The following BEND2 variants were observed in gnomAD, a reference collection of about 807,000 sequenced individuals.
The protein encoded by BEND2 is BEN domain-containing protein 2.
Under a neutral mutation model 43.8 loss-of-function variants are expected in BEND2, and 19 were observed. The observed-to-expected ratio is 0.43, with a 90% CI of 0.30 to 0.64. BEND2 has a LOEUF of 0.64. Ranked by LOEUF, BEND2 falls within the 30% of genes least tolerant of loss-of-function variation. The pLI, the probability that BEND2 is intolerant of heterozygous loss-of-function variation, is 0.11. For synonymous variants in BEND2, 226 were observed against 210.1 expected, an observed-to-expected ratio of 1.08 and a Z score of -0.66; for missense variants, 544 against 574.0, an observed-to-expected ratio of 0.95 and a Z score of 0.53.
chrX:18,209,432 G>T (rs1388547217), intron 4 of BEND2, among the ~76,000 whole-genome samples: 1 of 111,022 alleles, frequency 9.0e-6, no homozygotes, highest in African/African-American at 3.3e-5. Flanking sequence ...GGGCAATGGG[G>T]AAAAATAGTA....
chrX:18,184,837 C>T (rs1450597099), intron 8 of BEND2, among the ~76,000 whole-genome samples: 1 of 110,810 alleles, frequency 9.0e-6, no homozygotes. Context: ...GGGACCAATC[C>T]CAGAGAAACA....
rs777618254 is a variant in BEND2 at position 18,174,278 on chromosome X, T to C, written c.1753-20A>G. The stretch of plus-strand genomic sequence containing the variant: ...AGTTTTCTGTTGAAACACAAAATCA[T>C]ATCCGTAAACAAAGTCCCACAGCAA... On this transcript the variant is annotated intron_variant, in intron 11 of 13. Transcript: ENST00000380033. 3.0e-5 allele frequency: 36 copies of C among 1,181,299 alleles called. No individual in the cohort carries two copies. Among genetic ancestry groups the C allele is most frequent in the Non-Finnish European group, 4.0e-5 (35 of 869,577 alleles).
chrX:18,203,640 T>G lies in BEND2; in HGVS notation c.768A>C (p.Ala256=). 2 of 1,211,875 alleles carry G rather than the reference T, an allele frequency of 1.7e-6. No homozygotes were observed. The highest frequency in any genetic ancestry group is 2.2e-6 in the Non-Finnish European group (2 of 895,377). ...AVISFANATT[A]VPMAVLSRRE... ...TTCGTGACAGAACTGCCATAGGTAC[T>G]GCTGTAGTAGCATTGGCAAATGAGA... Residue 256 remains alanine (A), a synonymous_variant, in exon 5 of 14, where the codon GCA becomes GCC. Coordinates refer to ENST00000380033, the MANE Select transcript of BEND2 (RefSeq NM_153346.5).
rs201244726 is a variant in BEND2, at chrX:18,194,972, AACACAC to A, written c.1180+318_1180+323del. ...TGTGGAATAAAGCTGCATAGTACTA[AACACAC>A]ACACACACACACACACACACACACA... On this transcript the variant is annotated intron_variant, in intron 7 of 13. Coordinates refer to ENST00000380033, the MANE Select transcript of BEND2 (RefSeq NM_153346.5). Among the ~76,000 whole-genome samples the A allele has an allele frequency of 9.7e-3, 962 of 99,272 alleles. 10 individuals carry two copies. The highest frequency in any genetic ancestry group is 0.032 in the African/African-American group (857 of 27,052). The allele number at this position is 99,272 out of a possible 115,157, so 86.2% of individuals were successfully genotyped here. A position where few individuals can be genotyped will look rare whatever the true frequency, so the allele number is the denominator to read the frequency against.
At chrX:18,176,361 T>C (rs1392775701) in intron 10 of BEND2, among the ~76,000 whole-genome samples, 11 of 71,608 alleles carry the variant, frequency 1.5e-4, no homozygotes, top group African/African-American at 5.8e-4. Flanking sequence ...ATTGAGCTCT[T>C]GGTGCTCAAA....
chrX:18,165,381 A>C (rs1018104311), intron 13 of BEND2, among the ~76,000 whole-genome samples, 158 bp from the exon 14 acceptor site: 1 of 112,171 alleles, frequency 8.9e-6, no homozygotes, highest in South Asian at 3.7e-4. Flanking sequence ...TAGCTGGACA[A>C]ATCTTTTAAT....
intron 4 of BEND2, among the ~76,000 whole-genome samples, chrX:18,205,605 CAAAAAAAAAAAAAAAAAAAA>C (rs147435323): frequency 3.4e-3 from 83 of 24,157 alleles, no homozygotes; most frequent in Non-Finnish European, 4.8e-3. Context: ...GACCCTGTCT[CAAAAAAAAAAAAAAAAAAAA>C]AAAAAAAAAG....
At position 18,180,593 on chromosome X, in the gene BEND2, T is replaced by A. The variant is rs968294503; in HGVS notation, c.1346A>T (p.Asn449Ile). ...KVDTNTENSV[N>I]TMNRSTLLDS... is the part of the protein sequence containing the mutation. ...CAATAAAGTTGAGCGATTCATTGTG[T>A]TGACGCTGTTTTCCGTGTTGGTGTC... Residue 449 changes from asparagine to isoleucine, a missense_variant, in exon 9 of 14, where the codon AAC becomes ATC. Physicochemically the swap from Asn to Ile is moderately radical, Grantham distance 149. Around this residue, in one of 2 missense-constraint regions of BEND2, gnomAD observed 501 missense variants for 501.6 expected, o/e 1.00. Coordinates refer to ENST00000380033, the MANE Select transcript of BEND2 (RefSeq NM_153346.5). The A allele has an allele frequency of 5.0e-6, 6 of 1,211,150 alleles. No individual in the cohort carries two copies. The highest frequency in any genetic ancestry group is 6.7e-6 in the Non-Finnish European group (6 of 894,940).
intron 4 of BEND2, among the ~76,000 whole-genome samples, chrX:18,209,918 T>G (rs1925454138): frequency 9.0e-6 from 1 of 111,430 alleles, no homozygotes; most frequent in Non-Finnish European, 1.9e-5. Flanking sequence ...TACCATAATT[T>G]TAAGTTATAC....
At chrX:18,181,755 C>CA (rs1003581186) in intron 8 of BEND2, among the ~76,000 whole-genome samples, 1 of 111,236 alleles carries the variant, frequency 9.0e-6, no homozygotes, top group African/African-American at 3.3e-5. Flanking sequence ...CTGCACAAAT[C>CA]AATATACTCA....
chrX:18,181,488 A>C (rs1263336723), intron 8 of BEND2, among the ~76,000 whole-genome samples: 1 of 111,843 alleles, frequency 8.9e-6, no homozygotes, highest in Non-Finnish European at 1.9e-5. Context: ...TCAGCAATAA[A>C]AATGAAGAAG....
chrX:18,166,942 C>G (rs1158114557), intron 13 of BEND2, among the ~76,000 whole-genome samples: 1 of 109,884 alleles, frequency 9.1e-6, no homozygotes, highest in East Asian at 2.9e-4. Context: ...GACTGAGGCC[C>G]TTGGAGTGCT....
At chrX:18,219,926 A>C (rs1011095237) in intron 1 of BEND2, among the ~76,000 whole-genome samples, 4 of 110,451 alleles carry the variant, frequency 3.6e-5, no homozygotes, top group Non-Finnish European at 7.5e-5. Context: ...AAAACAAAAC[A>C]AAACCAAGCA....
intron 1 of BEND2, among the ~76,000 whole-genome samples, chrX:18,217,039 T>A (rs1056420907): frequency 2.7e-5 from 3 of 112,793 alleles, no homozygotes; most frequent in Non-Finnish European, 5.6e-5. Flanking sequence ...CATGCCACAG[T>A]GTTCAATGAT....
At chrX:18,211,522 C>T (rs1210536903) in intron 4 of BEND2, among the ~76,000 whole-genome samples, 8 of 112,313 alleles carry the variant, frequency 7.1e-5, no homozygotes, top group Non-Finnish European at 5.6e-5. Flanking sequence ...GTGGCTCACG[C>T]CTGTAATCCC....
chrX:18,200,007 A>G (rs1019585839), intron 6 of BEND2, among the ~76,000 whole-genome samples: 1 of 111,835 alleles, frequency 8.9e-6, no homozygotes, highest in Non-Finnish European at 1.9e-5. Context: ...CTAGTACCAT[A>G]AGGCTCAGCA....
intron 8 of BEND2, among the ~76,000 whole-genome samples, chrX:18,188,721 C>T (rs1231389882): frequency 9.0e-6 from 1 of 111,724 alleles, no homozygotes; most frequent in Non-Finnish European, 1.9e-5. Flanking sequence ...ACCAATCCTA[C>T]TCAAACTATT....
intron 12 of BEND2, among the ~76,000 whole-genome samples, chrX:18,171,466 T>A (rs1923975310): frequency 9.0e-6 from 1 of 111,402 alleles, no homozygotes; most frequent in African/African-American, 3.3e-5. Context: ...GCTTAGCCAC[T>A]CAAGTAGCTG....
intron 4 of BEND2, among the ~76,000 whole-genome samples, chrX:18,207,891 C>T (rs1369655942): frequency 3.6e-5 from 4 of 110,830 alleles, no homozygotes; most frequent in African/African-American, 1.3e-4. Flanking sequence ...TGGTGGCGCA[C>T]GCCTGTAATC....
Sources: gnomAD v4.1 joint callset for allele counts (sites outside exome capture counted in the v4.1 genomes callset) on GRCh38, gnomAD v4.1.1 for gene constraint, gnomAD v4.1.1 regional missense constraint, MANE v1.5 for transcripts, NCBI Gene and HGNC (gene_info 2026-07-23, HGNC 2026-07-21) for gene names.